Variants in ZNF813 observed in about 807,000 individuals in gnomAD.
ZNF813 encodes the protein zinc finger protein 813.
A neutral mutation model predicts 7.2 loss-of-function variants in ZNF813; 3 were observed. The observed-to-expected ratio is 0.42, with a 90% confidence interval of 0.19 to 1.08. ZNF813 has a LOEUF of 1.08. Among genes scored for constraint, ZNF813 ranks in the 50% least tolerant of loss-of-function variants. The pLI is 0.30. For missense variants in ZNF813, 714 were observed against 753.3 expected, an observed-to-expected ratio of 0.95 and a Z score of 0.61; for synonymous variants, 227 against 256.3, an observed-to-expected ratio of 0.89 and a Z score of 1.09.
Position 53,490,565 on chromosome 19 carries a change from A to C in ZNF813, c.333A>C (p.Ala111=). 6.2e-7 allele frequency: 1 copy of C among 1,614,186 alleles called. No homozygotes were observed. Among genetic ancestry groups the C allele is most frequent in the Non-Finnish European group, 8.5e-7 (1 of 1,180,028 alleles). Residue 111 remains alanine, a synonymous_variant, in exon 4 of 4, where the codon GCA becomes GCC. Coordinates refer to ENST00000396403, the MANE Select transcript of ZNF813 (RefSeq NM_001004301.4). ...WQEDERNSHE[A]PMTEIKKLTG... The stretch of plus-strand genomic sequence containing the variant: ...AAGATGAAAGAAATAGCCATGAAGC[A>C]CCCATGACAGAAATCAAAAAGTTGA...
chr19:53,476,366 C>T (rs923733979), intron 1 of ZNF813, among the ~76,000 whole-genome samples: 12 of 151,840 alleles, frequency 7.9e-5, no homozygotes, highest in South Asian at 2.1e-4. Flanking sequence ...CATGGTGGCT[C>T]GCGCCTGTAA....
intron 1 of ZNF813, among the ~76,000 whole-genome samples, chr19:53,468,465 T>C (rs1174729126): frequency 1.3e-5 from 2 of 152,278 alleles, no homozygotes; most frequent in East Asian, 3.9e-4. Context: ...GCGCTCAGCA[T>C]ACGGAGGACC....
chr19:53,481,795 A>G (rs1363294124), intron 1 of ZNF813, among the ~76,000 whole-genome samples: 1 of 152,204 alleles, frequency 6.6e-6, no homozygotes, highest in Non-Finnish European at 1.5e-5. Context: ...AAAAATTAAA[A>G]TTTGGGAATC....
At chr19:53,483,416 G>C (rs1454923823) in intron 1 of ZNF813, among the ~76,000 whole-genome samples, 1 of 152,108 alleles carries the variant, frequency 6.6e-6, no homozygotes, top group African/African-American at 2.4e-5. Flanking sequence ...TCTCAAACCT[G>C]AGCTCAAGAG....
At chr19:53,481,500 A>C (rs1282233825) in intron 1 of ZNF813, among the ~76,000 whole-genome samples, 1 of 151,800 alleles carries the variant, frequency 6.6e-6, no homozygotes, top group African/African-American at 2.4e-5. Context: ...GCACCCAGCC[A>C]CCATGCCCAG....
chr19:53,491,188 G>A lies in ZNF813; in HGVS notation c.956G>A (p.Arg319Lys). The change falls in exon 4 of 4, where the codon AGA becomes AAA. Residue 319 changes from arginine (R) to lysine (K), a missense_variant. By Grantham distance (26) the Arg-to-Lys change is conservative. Coordinates refer to ENST00000396403, the MANE Select transcript of ZNF813 (RefSeq NM_001004301.4). Reference sequence around the variant, plus strand: ...AAATCAAACCTTAAAAGACATAGGAGAATTCATGCTGGAGAAAAACCATAC... The same window carrying A: ...AAATCAAACCTTAAAAGACATAGGAAAATTCATGCTGGAGAAAAACCATAC... ...SFKSNLKRHRRIHAGEKPYKC... is the reference protein window; with the variant it reads ...SFKSNLKRHRKIHAGEKPYKC... The A allele has an allele frequency of 6.2e-7, 1 of 1,613,814 alleles. No homozygotes were observed. The highest frequency in any genetic ancestry group is 2.2e-5 in the East Asian group (1 of 44,878).
rs552396855 is a variant in ZNF813, at chr19:53,496,235, TAAAA to T, written c.*4152_*4155del. 1.4e-3 allele frequency: 218 copies of T among 150,520 alleles called. No individual in the cohort carries two copies. The highest frequency in any genetic ancestry group is 4.9e-3 in the Admixed American group (74 of 14,952). 9.3% of individuals were successfully genotyped at this position (150,520 alleles called of 1,614,324 possible). Reference sequence around the variant, plus strand: ...ATATGTGAGACTTTTCATTTCAAAATAAAAAAGGCAAATGATGTAATTGCATAGA... The same window carrying T: ...ATATGTGAGACTTTTCATTTCAAAATAAGGCAAATGATGTAATTGCATAGA... On this transcript the variant is annotated 3_prime_UTR_variant, in exon 4 of 4. Coordinates refer to ENST00000396403, the MANE Select transcript of ZNF813 (RefSeq NM_001004301.4).
At position 53,491,763 on chromosome 19, in the gene ZNF813, G is replaced by T; in HGVS notation, c.1531G>T (p.Ala511Ser). ...GGGTTTTAATCGGAAAACACACCTT[G>T]CATGTCATCATAGACTTCATACTGG... ...GKGFNRKTHLACHHRLHTGEK... is the reference protein window; with the variant it reads ...GKGFNRKTHLSCHHRLHTGEK... The change falls in exon 4 of 4, where the codon GCA becomes TCA. Residue 511 changes from alanine to serine, a missense_variant. Ala to Ser is a moderately conservative substitution (Grantham distance 99). Transcript: ENST00000396403. The T allele has an allele frequency of 6.4e-7, 1 of 1,571,810 alleles. No individual in the cohort carries two copies. Among genetic ancestry groups the T allele is most frequent in the Non-Finnish European group, 8.7e-7 (1 of 1,149,096 alleles).
At chr19:53,472,612 T>TC (rs2086364928) in intron 1 of ZNF813, among the ~76,000 whole-genome samples, 2 of 135,742 alleles carry the variant, frequency 1.5e-5, no homozygotes, top group East Asian at 2.2e-4. Flanking sequence ...CAAGTCTTTC[T>TC]TTTTTTTTTT....
chr19:53,491,589 G>T lies in ZNF813; in HGVS notation c.1357G>T (p.Ala453Ser), dbSNP rs1462564520. Residue 453 changes from alanine (A) to serine (S), a missense_variant, in exon 4 of 4, where the codon GCC becomes TCC. Ala to Ser is a moderately conservative substitution (Grantham distance 99, BLOSUM62 1). Around this residue, in one of 3 missense-constraint regions of ZNF813, gnomAD observed 563 missense variants for 554.2 expected, o/e 1.02. Transcript: ENST00000396403. ...TGTCAAGACGTTCAGTCGAAATTCA[G>T]CCCTTGTAATTCATAAGGCTATTCA... is the stretch of plus-strand genomic sequence containing the variant. Reference protein sequence around the residue: ...ECVKTFSRNSALVIHKAIHIG... With the variant: ...ECVKTFSRNSSLVIHKAIHIG... 8 of 1,612,754 alleles carry T rather than the reference G, an allele frequency of 5.0e-6. No individual in the cohort carries two copies. The South Asian group carries it at 5.5e-5, about 11-fold the overall frequency.
chr19:53,483,648 A>G, intron 1 of ZNF813, 102 bp from the exon 2 acceptor site: 2 of 1,178,616 alleles, frequency 1.7e-6, no homozygotes, highest in Non-Finnish European at 2.3e-6. Context: ...AGCATAGGGG[A>G]CCGTATTTCC....
intron 3 of ZNF813, among the ~76,000 whole-genome samples, chr19:53,490,118 C>G (rs2086451928): frequency 6.6e-6 from 1 of 152,100 alleles, no homozygotes; most frequent in Admixed American, 6.5e-5. Flanking sequence ...GAAAAATACT[C>G]CTTACTTTAG....
In ZNF813 at chr19:53,480,670, A is replaced by G. The variant is rs148046885; in HGVS notation, c.-73-3080A>G. On this transcript the variant is annotated intron_variant, in intron 1 of 3. Transcript: ENST00000396403. ...TCAGTGACCTTTTACCTTAACATCA[A>G]AATGTAGTTTAACCAGTTAGTGTAT... Among the ~76,000 whole-genome samples, 587 of 152,274 alleles carry G rather than the reference A, an allele frequency of 3.9e-3. 5 individuals carry two copies. Among genetic ancestry groups the G allele is most frequent in the South Asian group, 0.024 (116 of 4,828 alleles).
chr19:53,480,289 A>G, intron 1 of ZNF813: 1 of 723,956 alleles, frequency 1.4e-6, no homozygotes, highest in African/African-American at 1.7e-5. Flanking sequence ...GCTGGGCTAG[A>G]GGCTGAGAAC....
intron 1 of ZNF813, among the ~76,000 whole-genome samples, chr19:53,478,038 A>G (rs1212028006): frequency 2.6e-5 from 4 of 152,208 alleles, no homozygotes; most frequent in Admixed American, 6.5e-5. Context: ...TGGAATCCCT[A>G]TTCAGCCAGA....
Position 53,491,436 on chromosome 19 carries a change from C to T in ZNF813, c.1204C>T (p.Arg402Cys), listed in dbSNP as rs200579437. 53 of 1,613,876 alleles carry T rather than the reference C, an allele frequency of 3.3e-5. No individual in the cohort carries two copies. Among genetic ancestry groups the T allele is most frequent in the Non-Finnish European group, 4.4e-5 (52 of 1,180,004 alleles). ...FSQELTLKCH[R>C]RLHTGEKPYK... The stretch of plus-strand genomic sequence containing the variant: ...TCAGGAGTTAACCCTTAAATGCCAT[C>T]GTAGACTTCATACCGGAGAGAAGCC... The change falls in exon 4 of 4, where the codon CGT (arginine) becomes TGT (cysteine). Residue 402 changes from arginine (R) to cysteine (C), a missense_variant. By Grantham distance (180) the Arg-to-Cys change is radical. Around this residue, in one of 3 missense-constraint regions of ZNF813, gnomAD observed 563 missense variants for 554.2 expected, o/e 1.02. Coordinates refer to ENST00000396403, the MANE Select transcript of ZNF813 (RefSeq NM_001004301.4).
Position 53,492,836 on chromosome 19 carries a change from A to T in ZNF813, c.*750A>T, listed in dbSNP as rs1282602497. ...AAGGTCTTCAGTCAAGCTTCATCCT[A>T]TGCAAAACATAGGAGAATTCATACA... On this transcript the variant is annotated 3_prime_UTR_variant, in exon 4 of 4. Transcript: ENST00000396403. 1.2e-5 allele frequency: 6 copies of T among 481,498 alleles called. No homozygotes were observed. Among genetic ancestry groups the T allele is most frequent in the Admixed American group, 2.3e-5 (1 of 43,064 alleles). 29.8% of individuals were successfully genotyped at this position (481,498 alleles called of 1,614,324 possible).
chr19:53,468,370 T>C (rs1280642198), intron 1 of ZNF813, among the ~76,000 whole-genome samples: 1 of 152,128 alleles, frequency 6.6e-6, no homozygotes, highest in South Asian at 2.1e-4. Context: ...TGTGGGTATT[T>C]CTCGTCAGGT....
At chr19:53,474,320 C>T (rs1373037443) in intron 1 of ZNF813, among the ~76,000 whole-genome samples, 2 of 152,220 alleles carry the variant, frequency 1.3e-5, no homozygotes, top group Admixed American at 1.3e-4. Flanking sequence ...GCCCCCATAA[C>T]GGTTATTCTG....
Sources: allele counts gnomAD v4.1 joint callset (sites outside exome capture counted in the v4.1 genomes callset), GRCh38; gene constraint gnomAD v4.1.1; regional missense constraint gnomAD v4.1.1; transcripts MANE v1.5; gene names NCBI Gene and HGNC (gene_info 2026-07-23, HGNC 2026-07-21).